Variants in NCAPH observed in about 807,000 individuals in gnomAD.
NCAPH encodes condensin complex subunit 2.
In NCAPH, 38 loss-of-function variants were observed where a neutral mutation model predicts 85.5. The ratio of observed to expected loss-of-function variants is 0.44; its 90% confidence interval spans 0.34 to 0.58. The LOEUF is 0.58. Among genes scored for constraint, NCAPH ranks in the 20% least tolerant of loss-of-function variants. The pLI, the probability that NCAPH is intolerant of heterozygous loss-of-function variation, is 0.01. For synonymous variants in NCAPH, 301 were observed against 335.1 expected, an observed-to-expected ratio of 0.90 and a Z score of 1.11; for missense variants, 789 against 916.6, an observed-to-expected ratio of 0.86 and a Z score of 1.80.
intron 6 of NCAPH, among the ~76,000 whole-genome samples, chr2:96,350,232 A>G (rs750262103): frequency 1.2e-4 from 18 of 152,206 alleles, no homozygotes; most frequent in African/African-American, 3.9e-4. Flanking sequence ...TCATTGTCCC[A>G]TTGAATTGCT....
chr2:96,366,003 A>G lies in NCAPH; in HGVS notation c.1826A>G (p.Gln609Arg), dbSNP rs1317123363. The change falls in exon 14 of 18, where the codon CAA (glutamine) becomes CGA (arginine). Residue 609 changes from glutamine (Q) to arginine (R), a missense_variant. Transcript: ENST00000240423. ...AQQNGDTPEA[Q>R]GLDITTYGES... Reference sequence around the variant, plus strand: ...CAGAATGGTGACACTCCAGAAGCCCAAGGATTAGACATCACAACATATGGG... The same window carrying G: ...CAGAATGGTGACACTCCAGAAGCCCGAGGATTAGACATCACAACATATGGG... The G allele has an allele frequency of 6.2e-7, 1 of 1,614,234 alleles. No homozygotes were observed. Among genetic ancestry groups the G allele is most frequent in the Admixed American group, 1.7e-5 (1 of 60,020 alleles).
intron 12 of NCAPH, among the ~76,000 whole-genome samples, chr2:96,363,910 A>G (rs1448208236): frequency 6.6e-6 from 1 of 152,076 alleles, no homozygotes; most frequent in African/African-American, 2.4e-5. Context: ...CCCTGGGCTC[A>G]AATGATCCTC....
chr2:96,358,195 A>G lies in NCAPH; in HGVS notation c.1209-850A>G, dbSNP rs141522945. 8.0e-3 allele frequency among the ~76,000 whole-genome samples: 1,226 copies of G among 152,326 alleles called. 10 individuals carry two copies. Among genetic ancestry groups the G allele is most frequent in the African/African-American group, 0.028 (1,173 of 41,572 alleles). ...CCACTTAGACACTTTACACACGGCA[A>G]AGAATAAAGCTGGATGACCTAACAG... On this transcript the variant is annotated intron_variant, in intron 9 of 17. Coordinates refer to ENST00000240423, the MANE Select transcript of NCAPH (RefSeq NM_015341.5).
intron 1 of NCAPH, chr2:96,341,433 A>G (rs2064292742): frequency 3.4e-6 from 2 of 580,634 alleles, no homozygotes; most frequent in South Asian, 2.4e-5. Context: ...TTTGTCCCAG[A>G]TTAACAAAGA....
At chr2:96,369,206 C>A in intron 16 of NCAPH, 143 bp downstream of exon 16, 2 of 954,788 alleles carry the variant, frequency 2.1e-6, no homozygotes, top group Non-Finnish European at 3.1e-6. Context: ...ATAATACAGA[C>A]CAACTTTTAA....
rs1215056392 is a variant in NCAPH at position 96,353,324 on chromosome 2, CAGA to C, written c.933_935del (p.Glu311del). On this transcript the variant is annotated inframe_deletion, in exon 8 of 18. Transcript: ENST00000240423. ...TCTCCAGCGCCCTTGCAGCAGTGTG[CAGA>C]AGATCGCCAGATCTGCCCTTCCCTG... 2.5e-6 allele frequency: 4 copies of C among 1,614,036 alleles called. No individual in the cohort carries two copies. The African/African-American group carries it at 4.0e-5, about 16-fold the overall frequency.
chr2:96,350,496 G>GA lies in NCAPH; in HGVS notation c.721-1335_721-1334insA, dbSNP rs1385368965. On this transcript the variant is annotated intron_variant, in intron 6 of 17. Coordinates refer to ENST00000240423, the MANE Select transcript of NCAPH (RefSeq NM_015341.5). ...CTATTTTTAGGTATTTTTAGGATGG[G>GA]GAAAAAAAATAGGTATTTTTAGGAT... 5.3e-5 allele frequency among the ~76,000 whole-genome samples: 8 copies of GA among 151,520 alleles called. No individual in the cohort carries two copies. The East Asian group carries it at 7.8e-4, about 15-fold the overall frequency.
intron 17 of NCAPH, 129 bp downstream of exon 17, chr2:96,369,629 C>A: frequency 1.1e-6 from 1 of 924,118 alleles, no homozygotes. Flanking sequence ...GTAGCACCTT[C>A]AACCCAAATG....
rs745960594 is a variant in NCAPH, at chr2:96,343,304, G to T, written c.595G>T (p.Asp199Tyr). The T allele has an allele frequency of 6.2e-7, 1 of 1,611,436 alleles. No homozygotes were observed. Among genetic ancestry groups the T allele is most frequent in the Admixed American group, 1.7e-5 (1 of 59,638 alleles). ...SLEEVEGHVA[D>Y]GSATEMGTTK... ...GGAAGAAGTAGAAGGCCATGTTGCT[G>T]GTAGGTGGGTAGGGATCTGGATTTA... The change falls in exon 5 of 18, where the codon GAT becomes TAT. Residue 199 changes from aspartate to tyrosine, a missense_variant and splice_region_variant. Transcript: ENST00000240423.
chr2:96,367,257 G>A lies in NCAPH; in HGVS notation c.1882G>A (p.Val628Ile), dbSNP rs1457678534. 2 of 1,599,810 alleles carry A rather than the reference G, an allele frequency of 1.3e-6. No individual in the cohort carries two copies. Among genetic ancestry groups the A allele is most frequent in the Non-Finnish European group, 1.7e-6 (2 of 1,167,706 alleles). ...ESNLVAEPQK[V>I]NKIEIHYAKT... The stretch of plus-strand genomic sequence containing the variant: ...TTACTTTGTCATATACCTATTTCAG[G>A]TAAATAAAATTGAAATTCACTATGC... The change falls in exon 15 of 18, where the codon GTA (valine) becomes ATA (isoleucine). Residue 628 changes from valine (V) to isoleucine (I), a missense_variant and splice_region_variant. Transcript: ENST00000240423.
intron 6 of NCAPH, among the ~76,000 whole-genome samples, chr2:96,345,149 A>G (rs2064346260): frequency 6.6e-6 from 1 of 152,222 alleles, no homozygotes. Flanking sequence ...TCCAGTAGGT[A>G]GGAGGAAAAC....
chr2:96,352,415 G>T (rs187397685), intron 7 of NCAPH, among the ~76,000 whole-genome samples: 1 of 152,326 alleles, frequency 6.6e-6, no homozygotes, highest in African/African-American at 2.4e-5. Flanking sequence ...CATCCAGGGG[G>T]CCCTGAGGAG....
chr2:96,356,259 C>T (rs1202623490), intron 9 of NCAPH, among the ~76,000 whole-genome samples: 1 of 152,214 alleles, frequency 6.6e-6, no homozygotes, highest in Non-Finnish European at 1.5e-5. Flanking sequence ...CCCCTTGCCA[C>T]ATCGCTGGCC....
intron 6 of NCAPH, 143 bp from the exon 7 acceptor site, chr2:96,351,688 A>G: frequency 1.5e-6 from 1 of 680,566 alleles, no homozygotes; most frequent in South Asian, 3.3e-5. Context: ...AAAAAAAACA[A>G]AAACAAACCA....
At chr2:96,336,192 G>A (rs2064212084) in intron 1 of NCAPH, among the ~76,000 whole-genome samples, 1 of 152,192 alleles carries the variant, frequency 6.6e-6, no homozygotes, top group South Asian at 2.1e-4. Context: ...GGTTTTCCTG[G>A]AATAGACGTT....
At chr2:96,353,260 T>C in intron 7 of NCAPH, 46 bp from the exon 8 acceptor site, 2 of 1,508,088 alleles carry the variant, frequency 1.3e-6, no homozygotes, top group Non-Finnish European at 1.8e-6. Context: ...AGGAATGCAC[T>C]TGACCCCCTT....
In NCAPH at chr2:96,353,379, C is replaced by G. The variant is rs200479230; in HGVS notation, c.984C>G (p.Asp328Glu). ...CCGGGTTCCAGTTTACACAGTGGGACAGTGAAACACATAATGAGGTGTGGT... is the reference window on the plus strand; with the variant it reads ...CCGGGTTCCAGTTTACACAGTGGGAGAGTGAAACACATAATGAGGTGTGGT... ...SLAGFQFTQW[D>E]SETHNESVSA... Residue 328 changes from aspartate (D) to glutamate (E), a missense_variant, in exon 8 of 18, where the codon GAC becomes GAG. Transcript: ENST00000240423. 9.6e-5 allele frequency: 155 copies of G among 1,614,102 alleles called. No individual in the cohort carries two copies. The highest frequency in any genetic ancestry group is 1.2e-4 in the Non-Finnish European group (142 of 1,179,924).
In NCAPH at chr2:96,375,269, C is replaced by T. The variant is rs755904593; in HGVS notation, c.*1918C>T. ...CTTCTACAATGAAATCCCCTTCCCC[C>T]CACAACCCTGCTTCTCCTAAGTTTC... is the stretch of plus-strand genomic sequence containing the variant. On this transcript the variant is annotated 3_prime_UTR_variant, in exon 18 of 18. Coordinates refer to ENST00000240423, the MANE Select transcript of NCAPH (RefSeq NM_015341.5). Among the ~76,000 whole-genome samples the T allele has an allele frequency of 6.6e-5, 10 of 152,084 alleles. No homozygotes were observed. Among genetic ancestry groups the T allele is most frequent in the Non-Finnish European group, 1.2e-4 (8 of 68,020 alleles).
At chr2:96,335,970 C>T (rs1049558526) in intron 1 of NCAPH, 122 bp downstream of exon 1, 172 of 1,130,886 alleles carry the variant, frequency 1.5e-4, no homozygotes, top group Non-Finnish European at 1.9e-4. Context: ...GGGTCTTGGC[C>T]CTGCGGCTGA....
Sources: allele counts gnomAD v4.1 joint callset (sites outside exome capture counted in the v4.1 genomes callset), GRCh38; gene constraint gnomAD v4.1.1; transcripts MANE v1.5; gene names NCBI Gene and HGNC (gene_info 2026-07-23, HGNC 2026-07-21).